Variants in NBAS observed in about 807,000 individuals in gnomAD.
NBAS encodes the protein NAG/BC035112 fusion.
NBAS carries 219 observed loss-of-function variants against 302.5 expected under a neutral mutation model. That is an observed-to-expected ratio of 0.72 (90% CI 0.65 to 0.81). The LOEUF (loss-of-function observed/expected upper bound fraction) is 0.81, where lower values mean the gene tolerates loss of function less well. NBAS is among the 30% of genes least tolerant of loss of function. The pLI is 0.00. For missense variants in NBAS, 2,932 were observed against 2,841.6 expected (o/e 1.03, Z -0.72); for synonymous variants, 1,118 against 1,021.6 (o/e 1.09, Z -1.80).
intron 35 of NBAS, among the ~76,000 whole-genome samples, chr2:15,334,028 C>T (rs1672468442): frequency 6.6e-6 from 1 of 151,976 alleles, no homozygotes; most frequent in East Asian, 1.9e-4. Flanking sequence ...CAGGACTGAG[C>T]TAAGTGTTTC....
chr2:15,373,945 T>C (rs1674606386), intron 31 of NBAS, among the ~76,000 whole-genome samples: 1 of 152,168 alleles, frequency 6.6e-6, no homozygotes, highest in African/African-American at 2.4e-5. Flanking sequence ...AAAATCTACC[T>C]TCCTCAACAG....
At chr2:15,044,800 C>A in the NBAS span, among the ~76,000 whole-genome samples, 125,093 of 152,142 alleles carry the variant, frequency 0.82, 51,771 homozygotes, top group East Asian at 0.99. Flanking sequence ...AGCTTTCATG[C>A]CTCTGATCAA....
chr2:15,261,227 T>C (rs1449039197), intron 44 of NBAS, among the ~76,000 whole-genome samples: 4 of 152,248 alleles, frequency 2.6e-5, no homozygotes, highest in Non-Finnish European at 5.9e-5. Flanking sequence ...TTTTATGGTG[T>C]ACACTCTCCT....
At chr2:14,913,203 G>A in the NBAS span, among the ~76,000 whole-genome samples, 2 of 152,128 alleles carry the variant, frequency 1.3e-5, no homozygotes, top group African/African-American at 4.8e-5. Flanking sequence ...AGAGGCTGTT[G>A]GGGAAAAAGG....
intron 50 of NBAS, among the ~76,000 whole-genome samples, chr2:15,185,655 C>A (rs1298652713): frequency 6.6e-6 from 1 of 152,024 alleles, no homozygotes; most frequent in Non-Finnish European, 1.5e-5. Flanking sequence ...GGTCCACAGC[C>A]CAAATCACAC....
At chr2:15,360,894 T>C (rs1369156527) in intron 32 of NBAS, among the ~76,000 whole-genome samples, 1 of 152,080 alleles carries the variant, frequency 6.6e-6, no homozygotes, top group Admixed American at 6.6e-5. Context: ...AGTTAACTTT[T>C]TTCTTTTATA....
At chr2:14,830,436 TG>T in the NBAS span, among the ~76,000 whole-genome samples, 2 of 152,140 alleles carry the variant, frequency 1.3e-5, no homozygotes, top group African/African-American at 4.8e-5. Flanking sequence ...TGCCCTCCCC[TG>T]GGTCAGTAAA....
intron 38 of NBAS, among the ~76,000 whole-genome samples, chr2:15,319,696 G>A (rs1671701754): frequency 1.3e-5 from 2 of 151,840 alleles, no homozygotes; most frequent in Admixed American, 1.3e-4. Context: ...ACTAAACCAG[G>A]AAGAAGTTGA....
At chr2:15,104,812 C>CT in the NBAS span, among the ~76,000 whole-genome samples, 2 of 151,854 alleles carry the variant, frequency 1.3e-5, no homozygotes, top group East Asian at 1.9e-4. Context: ...TGACGATGAG[C>CT]TTTTTTTTAA....
intron 21 of NBAS, among the ~76,000 whole-genome samples, chr2:15,443,433 C>T (rs959755696): frequency 6.6e-6 from 1 of 152,062 alleles, no homozygotes; most frequent in African/African-American, 2.4e-5. Context: ...GCAGAAAAGA[C>T]CTTTGACAAA....
intron 35 of NBAS, among the ~76,000 whole-genome samples, chr2:15,350,190 T>A (rs534172213): frequency 1.3e-5 from 2 of 152,194 alleles, no homozygotes; most frequent in East Asian, 3.9e-4. Flanking sequence ...ATTCCACCAA[T>A]AGACTCCACA....
the NBAS span, among the ~76,000 whole-genome samples, chr2:15,069,445 A>C: frequency 6.6e-6 from 1 of 152,116 alleles, no homozygotes; most frequent in Non-Finnish European, 1.5e-5. Context: ...AAGACTCCTA[A>C]GTCATGCTAA....
At chr2:15,433,790 T>C (rs1677876076) in intron 21 of NBAS, among the ~76,000 whole-genome samples, 1 of 152,118 alleles carries the variant, frequency 6.6e-6, no homozygotes, top group Non-Finnish European at 1.5e-5. Flanking sequence ...CAAACTTCAA[T>C]GAGAAGTATT....
Position 15,467,421 on chromosome 2 carries a change from C to T in NBAS, c.2019-14G>A. ...TCCAGTGTCAACCTGTTTTGAATAA[C>T]TATGTTAGGCCACTTATATTTACAC... On this transcript the variant is annotated splice_polypyrimidine_tract_variant and intron_variant, in intron 18 of 51. Coordinates refer to ENST00000281513, the MANE Select transcript of NBAS (RefSeq NM_015909.4). The T allele has an allele frequency of 4.4e-6, 7 of 1,587,996 alleles. No homozygotes were observed. The highest frequency in any genetic ancestry group is 6.1e-6 in the Non-Finnish European group (7 of 1,156,484).
At chr2:14,998,627 C>A in the NBAS span, among the ~76,000 whole-genome samples, 3 of 152,190 alleles carry the variant, frequency 2.0e-5, no homozygotes, top group Admixed American at 1.3e-4. Context: ...ATGTCCCATT[C>A]CCTTCCCTTC....
chr2:14,845,406 A>T, the NBAS span, among the ~76,000 whole-genome samples: 1 of 152,214 alleles, frequency 6.6e-6, no homozygotes, highest in Non-Finnish European at 1.5e-5. Flanking sequence ...AGTTCTTTCT[A>T]ATACATGGAA....
chr2:15,542,975 T>C (rs1224397142), intron 6 of NBAS, among the ~76,000 whole-genome samples: 1 of 152,262 alleles, frequency 6.6e-6, no homozygotes, highest in Non-Finnish European at 1.5e-5. Flanking sequence ...AGGTAAGATT[T>C]CATATAACAA....
At chr2:15,484,527 C>CA (rs889570377) in intron 12 of NBAS, among the ~76,000 whole-genome samples, 3 of 151,916 alleles carry the variant, frequency 2.0e-5, no homozygotes, top group African/African-American at 7.3e-5. Flanking sequence ...TGATTTTTCA[C>CA]AAAAAAAATT....
At chr2:15,283,344 T>TTATA (rs999363282) in intron 42 of NBAS, among the ~76,000 whole-genome samples, 32 of 152,214 alleles carry the variant, frequency 2.1e-4, no homozygotes, top group African/African-American at 6.7e-4. Context: ...TCATCTTGAA[T>TTATA]TATAGTTCCC....
Sources: gnomAD v4.1 joint callset for allele counts (sites outside exome capture counted in the v4.1 genomes callset) on GRCh38, gnomAD v4.1.1 for gene constraint, MANE v1.5 for transcripts, NCBI Gene and HGNC (gene_info 2026-07-23, HGNC 2026-07-21) for gene names.